Variants in PPTC7 observed in about 807,000 individuals in gnomAD.
PPTC7 encodes protein phosphatase PTC7 homolog.
PPTC7 carries 6 observed loss-of-function variants against 30.8 expected under a neutral mutation model. That is an observed-to-expected ratio of 0.19 (90% CI 0.11 to 0.38). PPTC7 has a LOEUF of 0.38. Ranked by LOEUF, PPTC7 falls within the 10% of genes least tolerant of loss-of-function variation. PPTC7 has a pLI of 1.00. For synonymous variants in PPTC7, 163 were observed against 168.1 expected (o/e 0.97, Z 0.23); for missense variants, 218 against 404.8 (o/e 0.54, Z 3.96).
intron 1 of PPTC7, among the ~76,000 whole-genome samples, chr12:110,579,797 G>C (rs1427555337): frequency 6.6e-6 from 1 of 152,152 alleles, no homozygotes. Flanking sequence ...TGGATCACCT[G>C]GGGTTAGGAG....
chr12:110,553,944 C>G (rs1437155875), intron 1 of PPTC7, among the ~76,000 whole-genome samples: 1 of 152,170 alleles, frequency 6.6e-6, no homozygotes, highest in Admixed American at 6.5e-5. Flanking sequence ...TCATGGCAAC[C>G]TCTGCCTCCC....
chr12:110,540,747 T>A (rs1352187137), intron 3 of PPTC7, among the ~76,000 whole-genome samples: 1 of 151,794 alleles, frequency 6.6e-6, no homozygotes, highest in African/African-American at 2.4e-5. Flanking sequence ...GAGGGTGGGA[T>A]GATGAATACC....
At chr12:110,568,254 T>A (rs1207476952) in intron 1 of PPTC7, among the ~76,000 whole-genome samples, 4 of 124,808 alleles carry the variant, frequency 3.2e-5, no homozygotes, top group African/African-American at 1.5e-4. Flanking sequence ...ATCTCATGCG[T>A]TTTTTTTTTT....
Position 110,553,473 on chromosome 12 carries a change from C to T in PPTC7, c.224-1505G>A, listed in dbSNP as rs372575320. Among the ~76,000 whole-genome samples, 6 of 152,040 alleles carry T rather than the reference C, an allele frequency of 3.9e-5. No individual in the cohort carries two copies. In the East Asian group the frequency reaches 1.2e-3, roughly 30 times the overall value. ...AAATCTCTAATTTTTATATTCATTA[C>T]TTACATACTGAAATTGTATTTTGGG... On this transcript the variant is annotated intron_variant, in intron 1 of 5. Transcript: ENST00000354300.
At chr12:110,582,321 G>C (rs1390058759) in intron 1 of PPTC7, among the ~76,000 whole-genome samples, 3 of 152,230 alleles carry the variant, frequency 2.0e-5, no homozygotes, top group African/African-American at 4.8e-5. Context: ...GAAAGAATAC[G>C]GCCGGGCTGT....
At chr12:110,561,605 T>C (rs558441722) in intron 1 of PPTC7, among the ~76,000 whole-genome samples, 43 of 152,318 alleles carry the variant, frequency 2.8e-4, no homozygotes, top group African/African-American at 1.0e-3. Flanking sequence ...ATTACAGGCA[T>C]GAGCAACCGC....
chr12:110,559,269 ATCCTCCTGCCTCAG>A (rs2064417076), intron 1 of PPTC7, among the ~76,000 whole-genome samples: 1 of 151,966 alleles, frequency 6.6e-6, no homozygotes, highest in Non-Finnish European at 1.5e-5. Flanking sequence ...GGGTCAAGTG[ATCCTCCTGCCTCAG>A]TCTCCCAAAG....
At chr12:110,565,217 T>C (rs938052356) in intron 1 of PPTC7, among the ~76,000 whole-genome samples, 6 of 151,868 alleles carry the variant, frequency 4.0e-5, no homozygotes, top group Non-Finnish European at 5.9e-5. Flanking sequence ...CTTTGAGTAG[T>C]AGGACAATGA....
intron 1 of PPTC7, among the ~76,000 whole-genome samples, chr12:110,568,916 G>C (rs1031133516): frequency 6.6e-6 from 1 of 152,214 alleles, no homozygotes; most frequent in Non-Finnish European, 1.5e-5. Context: ...TTGAGAGGCT[G>C]AGGCAGAAGG....
intron 1 of PPTC7, among the ~76,000 whole-genome samples, chr12:110,577,188 A>AAAAT (rs1555216124): frequency 1.3e-5 from 2 of 149,648 alleles, no homozygotes; most frequent in South Asian, 2.1e-4. Context: ...AAAAAAAAAA[A>AAAAT]TTCACTCAGG....
At chr12:110,547,646 T>A (rs933168429) in intron 2 of PPTC7, among the ~76,000 whole-genome samples, 6 of 152,092 alleles carry the variant, frequency 3.9e-5, no homozygotes, top group Admixed American at 6.6e-5. Context: ...TCAATTTTTT[T>A]AAAAAAGCAA....
intron 1 of PPTC7, among the ~76,000 whole-genome samples, chr12:110,555,100 T>A (rs962698833): frequency 6.6e-6 from 1 of 152,352 alleles, no homozygotes; most frequent in Admixed American, 6.5e-5. Context: ...TATACATCCC[T>A]GAAAAATTGG....
chr12:110,574,989 C>T (rs545924083), intron 1 of PPTC7, among the ~76,000 whole-genome samples: 41 of 143,274 alleles, frequency 2.9e-4, no homozygotes, highest in African/African-American at 1.0e-3. Flanking sequence ...GGGGTTTCGT[C>T]ATATTGGCCA....
intron 5 of PPTC7, among the ~76,000 whole-genome samples, chr12:110,537,385 G>C (rs2064226931): frequency 6.6e-6 from 1 of 152,066 alleles, no homozygotes; most frequent in South Asian, 2.1e-4. Flanking sequence ...CAATCACAGT[G>C]AATCTGACGA....
At chr12:110,538,373 A>G (rs2064234008) in intron 4 of PPTC7, 100 bp from the exon 5 acceptor site, 3 of 1,170,000 alleles carry the variant, frequency 2.6e-6, no homozygotes, top group Non-Finnish European at 3.7e-6. Flanking sequence ...CTAGTTAGAA[A>G]AGACATTAAA....
intron 1 of PPTC7, among the ~76,000 whole-genome samples, chr12:110,575,114 G>T (rs1272691423): frequency 6.6e-6 from 1 of 151,714 alleles, no homozygotes; most frequent in Non-Finnish European, 1.5e-5. Flanking sequence ...TAAAATATAT[G>T]ACGACTCCCA....
Position 110,535,500 on chromosome 12 carries a change from AT to A in PPTC7, c.*1536del, listed in dbSNP as rs2064212106. 6.6e-6 allele frequency: 1 copy of A among 152,652 alleles called. No individual in the cohort carries two copies. Among genetic ancestry groups the A allele is most frequent in the South Asian group, 2.1e-4 (1 of 4,830 alleles). The allele number at this position is 152,652 out of a possible 1,614,324, so 9.5% of individuals were successfully genotyped here. On this transcript the variant is annotated 3_prime_UTR_variant, in exon 6 of 6. Coordinates refer to ENST00000354300, the MANE Select transcript of PPTC7 (RefSeq NM_139283.2). ...ATACAGTACAAATTCACAAAACAAA[AT>A]CTTTTAAAACAAGTTGAGGTAACCT...
intron 2 of PPTC7, chr12:110,546,794 C>T (rs1333208049): frequency 6.6e-6 from 1 of 152,206 alleles, no homozygotes; most frequent in Non-Finnish European, 1.5e-5. Flanking sequence ...ACAGTTAAAC[C>T]TACCTACCGC....
At chr12:110,548,468 G>A (rs915487939) in intron 2 of PPTC7, among the ~76,000 whole-genome samples, 3 of 152,316 alleles carry the variant, frequency 2.0e-5, no homozygotes, top group South Asian at 2.1e-4. Context: ...CACGGGTACT[G>A]TAACTCACTG....
Sources: allele counts gnomAD v4.1 joint callset (sites outside exome capture counted in the v4.1 genomes callset), GRCh38; gene constraint gnomAD v4.1.1; transcripts MANE v1.5; gene names NCBI Gene and HGNC (gene_info 2026-07-23, HGNC 2026-07-21).